The following YAF2 variants were observed in gnomAD, a reference collection of about 807,000 sequenced individuals.
YAF2 encodes the protein YY1 associated factor 2.
Under a neutral mutation model 20.1 loss-of-function variants are expected in YAF2, and 7 were observed. The observed-to-expected ratio is 0.35, with a 90% CI of 0.20 to 0.65. YAF2 has a LOEUF of 0.65. Among genes scored for constraint, YAF2 ranks in the 30% least tolerant of loss-of-function variants. The pLI is 0.69. For missense variants in YAF2, 151 were observed against 219.2 expected (o/e 0.69, Z 1.96); for synonymous variants, 74 against 76.0 (o/e 0.97, Z 0.14).
chr12:42,199,684 AC>A (rs2066847986), intron 2 of YAF2: 1 of 153,300 alleles, frequency 6.5e-6, no homozygotes, highest in Non-Finnish European at 1.5e-5. Flanking sequence ...ATTTCAAAAT[AC>A]AGAACATAAC....
At chr12:42,165,433 A>G (rs945523610) in intron 2 of YAF2, among the ~76,000 whole-genome samples, 2 of 152,072 alleles carry the variant, frequency 1.3e-5, no homozygotes, top group African/African-American at 2.4e-5. Flanking sequence ...AAAGTTATCT[A>G]CACCTCGAAT....
intron 2 of YAF2, chr12:42,234,865 G>T: frequency 1.4e-6 from 1 of 699,180 alleles, no homozygotes; most frequent in Non-Finnish European, 1.8e-6. Flanking sequence ...GTGTGCATCT[G>T]TAGTTTCAGC....
At chr12:42,160,934 T>A in intron 3 of YAF2, 108 bp from the exon 4 acceptor site, 1 of 847,716 alleles carries the variant, frequency 1.2e-6, no homozygotes, top group Non-Finnish European at 1.8e-6. Context: ...TACATGTATT[T>A]AAGGCAATTT....
At chr12:42,228,166 CCCGGCCAGCCGCCCCGT>C (rs1271870235) in intron 2 of YAF2, among the ~76,000 whole-genome samples, 6 of 88,296 alleles carry the variant, frequency 6.8e-5, no homozygotes, top group Non-Finnish European at 9.3e-5. Flanking sequence ...CGGCCCCCCG[CCCGGCCAGCCGCCCCGT>C]CCGGGAGGGA....
chr12:42,237,728 C>CA lies in YAF2; in HGVS notation c.27-5dup. The CA allele has an allele frequency of 2.6e-6, 4 of 1,553,754 alleles. No individual in the cohort carries two copies. The highest frequency in any genetic ancestry group is 3.5e-6 in the Non-Finnish European group (4 of 1,152,058). ...CGGCTTCGGCTGCCGCTTCGGCCTG[C>CA]AGGACACAACCCGGACACGACGCGG... On this transcript the variant is annotated splice_region_variant and splice_polypyrimidine_tract_variant and intron_variant, in intron 1 of 3. Coordinates refer to ENST00000534854, the MANE Select transcript of YAF2 (RefSeq NM_005748.6).
At chr12:42,226,307 C>T (rs1336679559) in intron 2 of YAF2, among the ~76,000 whole-genome samples, 1 of 152,148 alleles carries the variant, frequency 6.6e-6, no homozygotes, top group Non-Finnish European at 1.5e-5. Context: ...CAATATTATA[C>T]AACTTGCCAA....
chr12:42,162,918 T>C (rs2065830834), intron 2 of YAF2, among the ~76,000 whole-genome samples: 1 of 152,152 alleles, frequency 6.6e-6, no homozygotes, highest in Admixed American at 6.5e-5. Context: ...GTTTGAGATG[T>C]AGATTAAGAG....
intron 2 of YAF2, among the ~76,000 whole-genome samples, chr12:42,209,949 C>A (rs1297666537): frequency 6.6e-6 from 1 of 152,114 alleles, no homozygotes; most frequent in Admixed American, 6.6e-5. Context: ...CAAGCATGCA[C>A]CACCATGCCC....
intron 2 of YAF2, among the ~76,000 whole-genome samples, chr12:42,211,113 A>G (rs2067194916): frequency 6.6e-6 from 1 of 152,180 alleles, no homozygotes; most frequent in African/African-American, 2.4e-5. Flanking sequence ...GCATCAATAC[A>G]ATTCTCATTT....
intron 2 of YAF2, among the ~76,000 whole-genome samples, chr12:42,180,496 T>A (rs1412604912): frequency 6.6e-6 from 1 of 152,244 alleles, no homozygotes; most frequent in Non-Finnish European, 1.5e-5. Flanking sequence ...GACTGCAGCC[T>A]TGTATCAGGA....
At chr12:42,164,331 A>G (rs1488453075) in intron 2 of YAF2, among the ~76,000 whole-genome samples, 1 of 152,222 alleles carries the variant, frequency 6.6e-6, no homozygotes, top group African/African-American at 2.4e-5. Flanking sequence ...GCATTAGGAC[A>G]AAATATTTTT....
chr12:42,188,591 GC>G (rs2066534216), intron 2 of YAF2, among the ~76,000 whole-genome samples: 1 of 151,734 alleles, frequency 6.6e-6, no homozygotes, highest in Non-Finnish European at 1.5e-5. Flanking sequence ...CGCCATGTTT[GC>G]CAGGCTAGTC....
chr12:42,220,623 T>C (rs1232269018), intron 2 of YAF2, among the ~76,000 whole-genome samples: 5 of 152,194 alleles, frequency 3.3e-5, no homozygotes, highest in Non-Finnish European at 7.3e-5. Flanking sequence ...CCAAGAGCTT[T>C]ACCTGTTGAG....
intron 2 of YAF2, among the ~76,000 whole-genome samples, chr12:42,217,430 AAAT>A (rs2067388016): frequency 6.6e-6 from 1 of 152,174 alleles, no homozygotes; most frequent in Non-Finnish European, 1.5e-5. Flanking sequence ...CTAACTCACA[AAAT>A]TATGAAATTA....
chr12:42,163,516 T>C (rs892180439), intron 2 of YAF2, among the ~76,000 whole-genome samples: 2 of 152,216 alleles, frequency 1.3e-5, no homozygotes, highest in Admixed American at 6.5e-5. Flanking sequence ...AAATTTTCTA[T>C]AGTGGTTCTT....
Position 42,157,997 on chromosome 12 carries a change from C to T in YAF2, c.*2592G>A, listed in dbSNP as rs142107082. 6.6e-6 allele frequency: 1 copy of T among 152,220 alleles called. No individual in the cohort carries two copies. The highest frequency in any genetic ancestry group is 2.4e-5 in the African/African-American group (1 of 41,542). 9.4% of individuals were successfully genotyped at this position (152,220 alleles called of 1,614,324 possible). On this transcript the variant is annotated 3_prime_UTR_variant, in exon 4 of 4. Transcript: ENST00000534854. ...CAAATTCTTTTTGTATGGAATTTGG[C>T]TAAAAGAACCCAGTGCTCAAACCAC...
chr12:42,232,718 T>G (rs1359284260), intron 2 of YAF2: 35 of 985,272 alleles, frequency 3.6e-5, no homozygotes, highest in Non-Finnish European at 4.2e-5. Flanking sequence ...ATAAAGCAAG[T>G]ATGACAAGAA....
intron 2 of YAF2, among the ~76,000 whole-genome samples, chr12:42,209,043 T>C (rs755696253): frequency 3.8e-4 from 58 of 152,280 alleles, no homozygotes; most frequent in Admixed American, 1.2e-3. Context: ...AGAAACTATA[T>C]AGTAACATTT....
At chr12:42,219,760 T>C (rs1001155478) in intron 2 of YAF2, among the ~76,000 whole-genome samples, 2 of 152,206 alleles carry the variant, frequency 1.3e-5, no homozygotes, top group African/African-American at 2.4e-5. Flanking sequence ...CAAACTTTAA[T>C]GTGCATATAA....
Sources: allele counts gnomAD v4.1 joint callset (sites outside exome capture counted in the v4.1 genomes callset), GRCh38; gene constraint gnomAD v4.1.1; transcripts MANE v1.5; gene names NCBI Gene and HGNC (gene_info 2026-07-23, HGNC 2026-07-21).